INO80D: variants seen among roughly 807,000 people sequenced by gnomAD.
The protein encoded by INO80D is INO80 complex subunit D.
A neutral mutation model predicts 87.6 loss-of-function variants in INO80D; 21 were observed. The ratio of observed to expected loss-of-function variants is 0.24; its 90% CI spans 0.17 to 0.35. The LOEUF (loss-of-function observed/expected upper bound fraction) is 0.35, where lower values mean the gene tolerates loss of function less well. Among genes scored for constraint, INO80D ranks in the 10% least tolerant of loss-of-function variants. The probability of loss-of-function intolerance (pLI) is 1.00; values close to 1 mark genes in which losing one functional copy is unlikely to be tolerated. For synonymous variants in INO80D, 440 were observed against 491.0 expected, an observed-to-expected ratio of 0.90 and a Z score of 1.37; for missense variants, 982 against 1,280.7, an observed-to-expected ratio of 0.77 and a Z score of 3.56.
intron 10 of INO80D, among the ~76,000 whole-genome samples, chr2:206,006,562 A>AG (rs1688030271): frequency 6.6e-6 from 1 of 151,966 alleles, no homozygotes; most frequent in African/African-American, 2.4e-5. Flanking sequence ...AGACACCTGT[A>AG]ATCCCAGCTA....
rs111397822 is a variant in INO80D at position 206,015,747 on chromosome 2, C to A, written c.1542+1933G>T. 8.0e-3 allele frequency among the ~76,000 whole-genome samples: 1,211 copies of A among 152,274 alleles called. 14 individuals are homozygous for A. The highest frequency in any genetic ancestry group is 0.027 in the African/African-American group (1,129 of 41,540). Reference sequence around the variant, plus strand: ...TAAAAATACACACAAATTAGCCAAGCGTGGTGGCACACGCCTGTAATCCCA... The same window carrying A: ...TAAAAATACACACAAATTAGCCAAGAGTGGTGGCACACGCCTGTAATCCCA... On this transcript the variant is annotated intron_variant, in intron 8 of 10. Transcript: ENST00000403263.
chr2:206,035,656 C>T (rs549043985), intron 5 of INO80D, among the ~76,000 whole-genome samples: 1 of 152,258 alleles, frequency 6.6e-6, no homozygotes, highest in Non-Finnish European at 1.5e-5. Flanking sequence ...CCTTCCTAGA[C>T]ATTGGCTTAG....
intron 4 of INO80D, among the ~76,000 whole-genome samples, chr2:206,052,633 G>GA (rs761669934): frequency 1.3e-5 from 2 of 150,478 alleles, no homozygotes; most frequent in Middle Eastern, 3.4e-3. Flanking sequence ...CAAAAAATCT[G>GA]AAAAAAAAAT....
chr2:206,071,905 G>T (rs1361523061), intron 1 of INO80D, among the ~76,000 whole-genome samples: 1 of 151,992 alleles, frequency 6.6e-6, no homozygotes, highest in African/African-American at 2.4e-5. Context: ...TAGATTTGGG[G>T]GTGGGGTGAT....
In INO80D at chr2:206,002,040, C is replaced by T. The variant is rs1222350795; in HGVS notation, c.*2328G>A. The T allele has an allele frequency of 2.6e-5, 4 of 152,292 alleles. No homozygotes were observed. The highest frequency in any genetic ancestry group is 2.1e-4 in the South Asian group (1 of 4,830). The allele number at this position is 152,292 out of a possible 1,614,324, so 9.4% of individuals were successfully genotyped here. ...CAGCTAACATGAGGGGACAAGTAGA[C>T]AGAAAAAGTTCAAATCGACTACCCA... On this transcript the variant is annotated 3_prime_UTR_variant, in exon 11 of 11. Transcript: ENST00000403263.
chr2:206,045,816 T>C (rs1689178586), intron 5 of INO80D, among the ~76,000 whole-genome samples: 1 of 152,032 alleles, frequency 6.6e-6, no homozygotes, highest in African/African-American at 2.4e-5. Context: ...ACTGTGGAGA[T>C]GTACAGCCAA....
chr2:206,002,573 T>C lies in INO80D; in HGVS notation c.*1795A>G, dbSNP rs1204658993. The stretch of plus-strand genomic sequence containing the variant: ...ATGATTTCATACAGTCATGTGACAT[T>C]TCCCCTCCATAACCTCAGGCACGTG... On this transcript the variant is annotated 3_prime_UTR_variant, in exon 11 of 11. Coordinates refer to ENST00000403263, the MANE Select transcript of INO80D (RefSeq NM_017759.5). The C allele has an allele frequency of 6.6e-6, 1 of 152,148 alleles. No individual in the cohort carries two copies. The highest frequency in any genetic ancestry group is 1.5e-5 in the Non-Finnish European group (1 of 68,016). 9.4% of individuals were successfully genotyped at this position (152,148 alleles called of 1,614,324 possible). A position where few individuals can be genotyped will look rare whatever the true frequency, so the allele number is the denominator to read the frequency against.
In INO80D at chr2:206,085,594, C is replaced by T. The variant is rs180879501; in HGVS notation, c.-124+307G>A. On this transcript the variant is annotated intron_variant, in intron 1 of 10. Coordinates refer to ENST00000403263, the MANE Select transcript of INO80D (RefSeq NM_017759.5). This position sits in a 1 kb window ranked among gnomAD's most constrained non-coding sequence, Gnocchi z 4.5. ...GGCCCGAGGCCTACCGGCGCCCCCC[C>T]CTCCCGCCGCACACCCCCACCTGGC... 6.7e-6 allele frequency: 1 copy of T among 148,872 alleles called. No homozygotes were observed. Among genetic ancestry groups the T allele is most frequent in the Admixed American group, 6.7e-5 (1 of 15,008 alleles). The allele number at this position is 148,872 out of a possible 1,614,324, so 9.2% of individuals were successfully genotyped here.
rs1687986023 is a variant in INO80D, at chr2:206,004,994, G to A, written c.2458C>T (p.His820Tyr). Residue 820 changes from histidine (H) to tyrosine (Y), a missense_variant, in exon 11 of 11, where the codon CAC (histidine) becomes TAC (tyrosine). Physicochemically the swap from His to Tyr is moderately conservative, Grantham distance 83. Transcript: ENST00000403263. This position sits in a 1 kb window ranked among gnomAD's most constrained non-coding sequence, Gnocchi z 4.9. ...ITSRQQYSSDHSHSSPHGSHY... is the reference protein window; with the variant it reads ...ITSRQQYSSDYSHSSPHGSHY... ...CTTCCATGGGGTGAGGAGTGTGAGT[G>A]ATCACTGCTGTATTGCTGTCGTGAG... The A allele has an allele frequency of 1.2e-6, 2 of 1,613,878 alleles. No individual in the cohort carries two copies. Among genetic ancestry groups the A allele is most frequent in the Middle Eastern group, 1.6e-4 (1 of 6,084 alleles).
chr2:206,016,251 T>C (rs961895997), intron 8 of INO80D, among the ~76,000 whole-genome samples: 2 of 152,236 alleles, frequency 1.3e-5, no homozygotes, highest in East Asian at 3.8e-4. Context: ...ATGTGAGACA[T>C]GAAGTCAAAG....
At chr2:206,052,034 A>G (rs1275116910) in intron 4 of INO80D, among the ~76,000 whole-genome samples, 1 of 152,224 alleles carries the variant, frequency 6.6e-6, no homozygotes, top group Non-Finnish European at 1.5e-5. Context: ...ATTTATTTTT[A>G]TTAAATCGAT....
In INO80D at chr2:205,994,318, T is replaced by C. The variant is rs186034517; in HGVS notation, c.*10050A>G. ...TTAATGCATGGCCTGTTAAACATACTTGGGTGCCAAGGTGAATGAGAACAC... is the reference window on the plus strand; with the variant it reads ...TTAATGCATGGCCTGTTAAACATACCTGGGTGCCAAGGTGAATGAGAACAC... On this transcript the variant is annotated 3_prime_UTR_variant, in exon 11 of 11. Transcript: ENST00000403263. 1.3e-5 allele frequency: 2 copies of C among 152,324 alleles called. No homozygotes were observed. Among genetic ancestry groups the C allele is most frequent in the East Asian group, 1.9e-4 (1 of 5,186 alleles). 9.4% of individuals were successfully genotyped at this position (152,324 alleles called of 1,614,324 possible). A position where few individuals can be genotyped will look rare whatever the true frequency, so the allele number is the denominator to read the frequency against.
chr2:206,004,299 G>T lies in INO80D; in HGVS notation c.*69C>A. 1 of 1,344,368 alleles carries T rather than the reference G, an allele frequency of 7.4e-7. No individual in the cohort carries two copies. The highest frequency in any genetic ancestry group is 1.0e-6 in the Non-Finnish European group (1 of 970,094). 83.3% of individuals were successfully genotyped at this position (1,344,368 alleles called of 1,614,324 possible). A position where few individuals can be genotyped will look rare whatever the true frequency, so the allele number is the denominator to read the frequency against. On this transcript the variant is annotated 3_prime_UTR_variant, in exon 11 of 11. Coordinates refer to ENST00000403263, the MANE Select transcript of INO80D (RefSeq NM_017759.5). The surrounding 1 kb of genome is among the most constrained non-coding windows in gnomAD (Gnocchi z 4.9). ...TATCTTCTTTAGGAAAAGGGGAGAGGGGTGCTAAAGAGGAAACAAAGATAG... is the reference window on the plus strand; with the variant it reads ...TATCTTCTTTAGGAAAAGGGGAGAGTGGTGCTAAAGAGGAAACAAAGATAG...
rs1269339420 is a variant in INO80D at position 206,017,678 on chromosome 2, A to T, written c.1542+2T>A. The T allele has an allele frequency of 6.3e-7, 1 of 1,577,950 alleles. No homozygotes were observed. Among genetic ancestry groups the T allele is most frequent in the Admixed American group, 2.0e-5 (1 of 51,220 alleles). On this transcript the variant is annotated splice_donor_variant, in intron 8 of 10. Transcript: ENST00000403263. LOFTEE classifies it high-confidence loss of function. Reference sequence around the variant, plus strand: ...TTTGAAAGCCTCTGTTGCAGAACTTACCATTTTTTTGGCATGTTCTTCACA... The same window carrying T: ...TTTGAAAGCCTCTGTTGCAGAACTTTCCATTTTTTTGGCATGTTCTTCACA...
chr2:206,018,025 G>C (rs1043240905), intron 7 of INO80D, among the ~76,000 whole-genome samples: 2 of 152,132 alleles, frequency 1.3e-5, no homozygotes, highest in African/African-American at 2.4e-5. Flanking sequence ...TTGCTAATGA[G>C]ACCCTGGCAC....
intron 1 of INO80D, among the ~76,000 whole-genome samples, chr2:206,076,486 A>G (rs1443156423): frequency 6.6e-6 from 1 of 152,238 alleles, no homozygotes; most frequent in Admixed American, 6.5e-5. Flanking sequence ...AAATAGTAAA[A>G]TCAGACTGAG....
chr2:206,032,781 A>G (rs1688801375), intron 5 of INO80D, among the ~76,000 whole-genome samples: 1 of 152,224 alleles, frequency 6.6e-6, no homozygotes, highest in East Asian at 1.9e-4. Flanking sequence ...GAGAGAATTC[A>G]CCATGACCAA....
chr2:206,046,556 G>A lies in INO80D; in HGVS notation c.1021C>T (p.Pro341Ser), dbSNP rs753066756. The A allele has an allele frequency of 6.2e-6, 10 of 1,613,932 alleles. No homozygotes were observed. In the Admixed American group the frequency reaches 1.3e-4, roughly 22 times the overall value. The stretch of plus-strand genomic sequence containing the variant: ...CGGATGGACCATGCAACCTGGTAGG[G>A]CGAGGCCTGCTCTGAGTCCTCTGGT... ...EEPEDSEQAS[P>S]YQVAWSIRET... The change falls in exon 5 of 11, where the codon CCC (proline) becomes TCC (serine). Residue 341 changes from proline to serine, a missense_variant. Transcript: ENST00000403263.
chr2:206,083,859 C>G (rs942061663), intron 1 of INO80D, among the ~76,000 whole-genome samples: 1 of 76,602 alleles, frequency 1.3e-5, no homozygotes, highest in African/African-American at 5.7e-5. Context: ...CCTAAGCTCA[C>G]CAAAAAAAAA....
Sources: allele counts gnomAD v4.1 joint callset (sites outside exome capture counted in the v4.1 genomes callset), GRCh38; gene constraint gnomAD v4.1.1; non-coding constraint Gnocchi (gnomAD v3.1); transcripts MANE v1.5; gene names NCBI Gene and HGNC (gene_info 2026-07-23, HGNC 2026-07-21).